KIF18A: variants seen among roughly 807,000 people sequenced by gnomAD.
KIF18A encodes the protein kinesin family member 18A.
KIF18A carries 67 observed loss-of-function variants against 103.3 expected under a neutral mutation model. That is an observed-to-expected ratio of 0.65 (90% CI 0.53 to 0.79). The LOEUF (loss-of-function observed/expected upper bound fraction) is 0.79, where lower values mean the gene tolerates loss of function less well. Among genes scored for constraint, KIF18A ranks in the 30% least tolerant of loss-of-function variants. KIF18A has a pLI of 0.00. For missense variants in KIF18A, 1,032 were observed against 1,062.5 expected, an observed-to-expected ratio of 0.97 and a Z score of 0.40; for synonymous variants, 367 against 355.5, an observed-to-expected ratio of 1.03 and a Z score of -0.36.
rs148554994 is a variant in KIF18A at position 28,055,503 on chromosome 11, G to T, written c.1948+3423C>A. Among the ~76,000 whole-genome samples, 20 of 152,272 alleles carry T rather than the reference G, an allele frequency of 1.3e-4. 1 individual carries two copies. Among genetic ancestry groups the T allele is most frequent in the African/African-American group, 4.8e-4 (20 of 41,556 alleles). ...ATAGCAACAGTGCTAAGAGCTTTGG[G>T]GGAATAGGGTGCTGGAACTGGAATT... On this transcript the variant is annotated intron_variant, in intron 13 of 16. Coordinates refer to ENST00000263181, the MANE Select transcript of KIF18A (RefSeq NM_031217.4).
chr11:28,091,035 C>T (rs1851293335), intron 4 of KIF18A, among the ~76,000 whole-genome samples: 1 of 151,642 alleles, frequency 6.6e-6, no homozygotes, highest in Admixed American at 6.6e-5. Context: ...ATCTTGAGCC[C>T]CAGAGTTTGA....
intron 10 of KIF18A, 70 bp downstream of exon 10, chr11:28,076,937 A>G: frequency 6.9e-6 from 3 of 432,180 alleles, no homozygotes; most frequent in East Asian, 8.3e-5. Flanking sequence ...CTCCTTCTGA[A>G]AAAAAAAAAA....
chr11:28,063,197 C>T lies in KIF18A; in HGVS notation c.1591-681G>A, dbSNP rs184660240. Among the ~76,000 whole-genome samples, 29 of 152,102 alleles carry T rather than the reference C, an allele frequency of 1.9e-4. No homozygotes were observed. The East Asian group carries it at 5.6e-3, about 29-fold the overall frequency. On this transcript the variant is annotated intron_variant, in intron 11 of 16. Coordinates refer to ENST00000263181, the MANE Select transcript of KIF18A (RefSeq NM_031217.4). ...GGCTTATAAGGCCTTGAAACAAATG[C>T]TACCTTAAGTTGAATATACAGCCTT... is the stretch of plus-strand genomic sequence containing the variant.
Position 28,059,122 on chromosome 11 carries a change from ATAT to A in KIF18A, c.1749_1751del (p.Gln583_Tyr584delinsHis). ...ACAGGCCGGCTTCTTTTAATGTGCA[ATAT>A]TGTTTTCTTAGGGTTGGAAGTAAAG... On this transcript the variant is annotated inframe_deletion, in exon 13 of 17. Coordinates refer to ENST00000263181, the MANE Select transcript of KIF18A (RefSeq NM_031217.4). 1.9e-6 allele frequency: 3 copies of A among 1,614,014 alleles called. No individual in the cohort carries two copies. Among genetic ancestry groups the A allele is most frequent in the Non-Finnish European group, 2.5e-6 (3 of 1,179,916 alleles).
At chr11:28,036,091 T>C (rs1850482672) in intron 14 of KIF18A, 126 bp downstream of exon 14, 1 of 597,772 alleles carries the variant, frequency 1.7e-6, no homozygotes, top group African/African-American at 1.9e-5. Flanking sequence ...ATAATTAAAA[T>C]TTAATGAAAA....
In KIF18A at chr11:28,062,484, C is replaced by G. The variant is rs758684826; in HGVS notation, c.1623G>C (p.Leu541Phe). ...ELKKDLHCHHLHLQNKDLKAQ... is the reference protein window; with the variant it reads ...ELKKDLHCHHFHLQNKDLKAQ... ...CTTTCAAATCTTTGTTCTGGAGGTG[C>G]AAATGGTGACAATGAAGATCTTTCT... is the stretch of plus-strand genomic sequence containing the variant. Residue 541 changes from leucine (L) to phenylalanine (F), a missense_variant, in exon 12 of 17, where the codon TTG becomes TTC. Coordinates refer to ENST00000263181, the MANE Select transcript of KIF18A (RefSeq NM_031217.4). The G allele has an allele frequency of 1.9e-6, 3 of 1,611,202 alleles. No individual in the cohort carries two copies. The highest frequency in any genetic ancestry group is 2.2e-5 in the South Asian group (2 of 90,730).
At chr11:28,054,605 C>T (rs1850754666) in intron 13 of KIF18A, among the ~76,000 whole-genome samples, 1 of 152,178 alleles carries the variant, frequency 6.6e-6, no homozygotes, top group South Asian at 2.1e-4. Flanking sequence ...CACTTGAACT[C>T]ACTTATAAAC....
intron 5 of KIF18A, 127 bp from the exon 6 acceptor site, chr11:28,088,848 A>G: frequency 1.4e-6 from 1 of 709,962 alleles, no homozygotes; most frequent in Non-Finnish European, 2.3e-6. Context: ...AACAAGGTAT[A>G]ATCTAATTGA....
Position 28,023,786 on chromosome 11 carries a change from C to T in KIF18A, c.2569G>A (p.Asp857Asn). 6.2e-7 allele frequency: 1 copy of T among 1,613,040 alleles called. No individual in the cohort carries two copies. Among genetic ancestry groups the T allele is most frequent in the Non-Finnish European group, 8.5e-7 (1 of 1,179,218 alleles). The change falls in exon 16 of 17, where the codon GAT becomes AAT. Residue 857 changes from aspartate (D) to asparagine (N), a missense_variant. By Grantham distance (23) the Asp-to-Asn change is conservative (BLOSUM62 1). Transcript: ENST00000263181. ...NSGFAKRVRQ[D>N]NSSEKHLQEN... ...TGTAAGTGCTTCTCACTTGAATTAT[C>T]TTGTCGAACACGTTTGGCAAATCCA...
chr11:28,087,383 T>C (rs138144383), intron 6 of KIF18A, among the ~76,000 whole-genome samples: 1,773 of 152,334 alleles, frequency 0.012, 22 homozygotes, highest in Non-Finnish European at 0.018. Context: ...TGATGGTTTC[T>C]AGCTTAATCC....
intron 15 of KIF18A, among the ~76,000 whole-genome samples, chr11:28,030,386 A>C (rs1850379711): frequency 6.6e-6 from 1 of 151,814 alleles, no homozygotes. Context: ...ATACATCTAC[A>C]ACCATCTGAT....
At chr11:28,031,490 A>G (rs1264573682) in intron 15 of KIF18A, among the ~76,000 whole-genome samples, 2 of 152,040 alleles carry the variant, frequency 1.3e-5, no homozygotes, top group East Asian at 3.9e-4. Context: ...ATGAGAACAC[A>G]TGGACACAGG....
intron 13 of KIF18A, among the ~76,000 whole-genome samples, chr11:28,040,725 A>G (rs1850548545): frequency 6.6e-6 from 1 of 151,740 alleles, no homozygotes; most frequent in East Asian, 1.9e-4. Context: ...TATCTAAGGA[A>G]CTAGTCCAGT....
At chr11:28,035,771 T>C in intron 14 of KIF18A, among the ~76,000 whole-genome samples, 1 of 151,588 alleles carries the variant, frequency 6.6e-6, no homozygotes. Flanking sequence ...ATTATGCAGA[T>C]AAAGTGAGAA....
chr11:28,045,124 G>A (rs928508291), intron 13 of KIF18A, among the ~76,000 whole-genome samples: 29 of 151,920 alleles, frequency 1.9e-4, no homozygotes, highest in Non-Finnish European at 2.4e-4. Context: ...AATAAATTGG[G>A]CATTTTGATT....
intron 11 of KIF18A, among the ~76,000 whole-genome samples, chr11:28,063,001 G>A (rs1850875319): frequency 6.6e-6 from 1 of 151,964 alleles, no homozygotes; most frequent in Admixed American, 6.6e-5. Flanking sequence ...CACCAGGACA[G>A]GCACCGAGTC....
At position 28,097,634 on chromosome 11, in the gene KIF18A, T is replaced by C. The variant is rs1281551941; in HGVS notation, c.314A>G (p.Tyr105Cys). 3.1e-6 allele frequency: 5 copies of C among 1,594,128 alleles called. No homozygotes were observed. The South Asian group carries it at 3.3e-5, about 11-fold the overall frequency. Residue 105 changes from tyrosine to cysteine, a missense_variant, in exon 2 of 17, where the codon TAT (tyrosine) becomes TGT (cysteine). Transcript: ENST00000263181. ...KPILRSFLNG[Y>C]NCTVLAYGAT... ...ATTGAAACAAATACCTGTGCAATTA[T>C]ATCCATTCAAAAAACTACGAAGAAT...
At chr11:28,041,202 TAAAC>T (rs1329193839) in intron 13 of KIF18A, among the ~76,000 whole-genome samples, 2 of 151,510 alleles carry the variant, frequency 1.3e-5, no homozygotes, top group Non-Finnish European at 3.0e-5. Context: ...CAGATGACAA[TAAAC>T]AAATAAAATA....
At position 28,062,850 on chromosome 11, in the gene KIF18A, C is replaced by T. The variant is rs535420676; in HGVS notation, c.1591-334G>A. Among the ~76,000 whole-genome samples the T allele has an allele frequency of 5.3e-5, 8 of 152,096 alleles. No homozygotes were observed. The South Asian group carries it at 1.7e-3, about 32-fold the overall frequency. ...CTTAAATGTCACTTCCTCAGAAAGGCTTTCCTTGAGCATTGTATTTGGATA... is the reference window on the plus strand; with the variant it reads ...CTTAAATGTCACTTCCTCAGAAAGGTTTTCCTTGAGCATTGTATTTGGATA... On this transcript the variant is annotated intron_variant, in intron 11 of 16. Transcript: ENST00000263181.
Sources: gnomAD v4.1 joint callset for allele counts (sites outside exome capture counted in the v4.1 genomes callset) on GRCh38, gnomAD v4.1.1 for gene constraint, MANE v1.5 for transcripts, NCBI Gene and HGNC (gene_info 2026-07-23, HGNC 2026-07-21) for gene names.